SORCS2: variants seen among roughly 807,000 people sequenced by gnomAD.
The protein encoded by SORCS2 is VPS10 domain-containing receptor SorCS2.
A neutral mutation model predicts 141.6 loss-of-function variants in SORCS2; 100 were observed. The ratio of observed to expected loss-of-function variants is 0.71; its 90% CI spans 0.60 to 0.83. The LOEUF (loss-of-function observed/expected upper bound fraction) is 0.83, where lower values mean the gene tolerates loss of function less well. SORCS2 is among the 40% of genes least tolerant of loss of function. The pLI is 0.00. For missense variants in SORCS2, 1,646 were observed against 1,560.2 expected, an observed-to-expected ratio of 1.05 and a Z score of -0.93; for synonymous variants, 789 against 676.9, an observed-to-expected ratio of 1.17 and a Z score of -2.57.
intron 3 of SORCS2, among the ~76,000 whole-genome samples, chr4:7,556,903 C>A (rs1314816127): frequency 6.6e-6 from 1 of 150,420 alleles, no homozygotes; most frequent in African/African-American, 2.4e-5. Context: ...CACCATCCAT[C>A]CATCCATCCA....
At chr4:7,312,210 G>C (rs1324053700) in intron 1 of SORCS2, among the ~76,000 whole-genome samples, 6 of 152,206 alleles carry the variant, frequency 3.9e-5, no homozygotes. Context: ...CTGCTGAAGA[G>C]CGTAAGTACT....
At chr4:7,351,372 G>T (rs1050498850) in intron 1 of SORCS2, among the ~76,000 whole-genome samples, 6 of 152,124 alleles carry the variant, frequency 3.9e-5, no homozygotes, top group Non-Finnish European at 8.8e-5. Context: ...CCCCGTGGCT[G>T]GCACTTGCCT....
chr4:7,475,445 C>G lies in SORCS2; in HGVS notation c.549-56085C>G, dbSNP rs370860333. On this transcript the variant is annotated intron_variant, in intron 2 of 26. Transcript: ENST00000507866. Reference sequence around the variant, plus strand: ...CATGTGGTAGGCTCGGCCGGCCCCCCGAGGGCCTGAGAAACCTCCCTGTGC... The same window carrying G: ...CATGTGGTAGGCTCGGCCGGCCCCCGGAGGGCCTGAGAAACCTCCCTGTGC... Among the ~76,000 whole-genome samples the G allele has an allele frequency of 4.0e-3, 616 of 152,260 alleles. 6 individuals are homozygous for G. The highest frequency in any genetic ancestry group is 0.014 in the African/African-American group (574 of 41,558).
chr4:7,504,268 A>G (rs536127671), intron 2 of SORCS2, among the ~76,000 whole-genome samples: 1 of 152,232 alleles, frequency 6.6e-6, no homozygotes, highest in South Asian at 2.1e-4. Context: ...CTGTAATTCA[A>G]ACTCAAATGC....
Position 7,381,039 on chromosome 4 carries a change from G to A in SORCS2, c.481-15249G>A, listed in dbSNP as rs192903491. On this transcript the variant is annotated intron_variant, in intron 1 of 26. Coordinates refer to ENST00000507866, the MANE Select transcript of SORCS2 (RefSeq NM_020777.3). ...AGAGGTTTCAGTGAGCTGAGATTGC[G>A]CCACTGCACTCCAGCCTGGGTGATA... Among the ~76,000 whole-genome samples the A allele has an allele frequency of 4.1e-3, 580 of 139,964 alleles. 7 individuals carry two copies. The highest frequency in any genetic ancestry group is 0.015 in the African/African-American group (552 of 37,346). 91.8% of individuals were successfully genotyped at this position (139,964 alleles called of 152,430 possible).
chr4:7,373,458 T>TTATATATATATATATATATATATA (rs1553850461), intron 1 of SORCS2, among the ~76,000 whole-genome samples: 2 of 82,832 alleles, frequency 2.4e-5, no homozygotes, highest in Non-Finnish European at 4.1e-5. Context: ...TGAGAAACTT[T>TTATATATATATATATATATATATA]TATATATATA....
chr4:7,729,060 C>T (rs1004741949), intron 22 of SORCS2, among the ~76,000 whole-genome samples: 1 of 152,192 alleles, frequency 6.6e-6, no homozygotes, highest in Non-Finnish European at 1.5e-5. Context: ...TCAGGGTTTG[C>T]CAGATGGAAG....
intron 16 of SORCS2, among the ~76,000 whole-genome samples, 164 bp downstream of exon 16, chr4:7,714,537 A>C (rs1311559340): frequency 6.6e-6 from 1 of 152,210 alleles, no homozygotes; most frequent in East Asian, 1.9e-4. Context: ...TGTTAGAACC[A>C]AGTCACCAAG....
At chr4:7,721,066 G>C (rs967997483) in intron 18 of SORCS2, among the ~76,000 whole-genome samples, 2 of 152,236 alleles carry the variant, frequency 1.3e-5, no homozygotes, top group South Asian at 4.1e-4. Flanking sequence ...ATTCACAAAG[G>C]CCAGAAACTC....
At chr4:7,314,092 A>C (rs946522985) in intron 1 of SORCS2, among the ~76,000 whole-genome samples, 1 of 152,224 alleles carries the variant, frequency 6.6e-6, no homozygotes, top group Non-Finnish European at 1.5e-5. Context: ...TGCTTCCAGC[A>C]GCACATCTGC....
At chr4:7,610,729 A>G (rs953246573) in intron 3 of SORCS2, among the ~76,000 whole-genome samples, 3 of 152,180 alleles carry the variant, frequency 2.0e-5, no homozygotes, top group East Asian at 1.9e-4. Context: ...GTCAGGAGCA[A>G]TTGATCTAAC....
chr4:7,660,459 ACTC>A, intron 5 of SORCS2, among the ~76,000 whole-genome samples: 1 of 151,906 alleles, frequency 6.6e-6, no homozygotes, highest in African/African-American at 2.4e-5. Flanking sequence ...ACTTGGCAAA[ACTC>A]CTGCATTTCC....
At chr4:7,686,603 G>A (rs1723888770) in intron 10 of SORCS2, among the ~76,000 whole-genome samples, 1 of 152,194 alleles carries the variant, frequency 6.6e-6, no homozygotes, top group African/African-American at 2.4e-5. Context: ...TCCCTGGGTG[G>A]CCTCAGAGGA....
chr4:7,662,017 G>C (rs948150519), intron 6 of SORCS2, among the ~76,000 whole-genome samples: 1 of 152,186 alleles, frequency 6.6e-6, no homozygotes, highest in African/African-American at 2.4e-5. Context: ...ACCTGAGCCA[G>C]GATGTGTCCC....
intron 3 of SORCS2, among the ~76,000 whole-genome samples, chr4:7,608,142 A>C (rs1454888885): frequency 6.6e-6 from 1 of 152,078 alleles, no homozygotes; most frequent in African/African-American, 2.4e-5. Context: ...CAGTTGTCCC[A>C]CCAGAGCAGG....
intron 2 of SORCS2, among the ~76,000 whole-genome samples, chr4:7,489,394 C>T (rs1731186363): frequency 6.6e-6 from 1 of 152,218 alleles, no homozygotes; most frequent in East Asian, 1.9e-4. Context: ...TGTTGCTTTT[C>T]GAGTTCCTTG....
chr4:7,339,650 C>T (rs1031895536), intron 1 of SORCS2, among the ~76,000 whole-genome samples: 12 of 152,288 alleles, frequency 7.9e-5, no homozygotes, highest in African/African-American at 2.9e-4. Context: ...CACCAAATGA[C>T]CTCATTTTAC....
At chr4:7,365,279 A>G (rs1449986502) in intron 1 of SORCS2, among the ~76,000 whole-genome samples, 2 of 152,074 alleles carry the variant, frequency 1.3e-5, no homozygotes, top group Admixed American at 1.3e-4. Flanking sequence ...CTGTCAGCAG[A>G]GCTGGAGGGC....
chr4:7,712,699 G>T, intron 14 of SORCS2, 34 bp from the exon 15 acceptor site: 3 of 1,613,426 alleles, frequency 1.9e-6, no homozygotes, highest in Non-Finnish European at 2.5e-6. Flanking sequence ...AATGAAGGTG[G>T]TTTTCTCTCC....
Sources: allele counts gnomAD v4.1 joint callset (sites outside exome capture counted in the v4.1 genomes callset), GRCh38; gene constraint gnomAD v4.1.1; transcripts MANE v1.5; gene names NCBI Gene and HGNC (gene_info 2026-07-23, HGNC 2026-07-21).